The following PIGN variants were observed in gnomAD, a reference collection of about 807,000 sequenced individuals.
The protein encoded by PIGN is GPI ethanolamine phosphate transferase 1.
In PIGN, 117 loss-of-function variants were observed where a neutral mutation model predicts 125.4. That is an observed-to-expected ratio of 0.93 (90% CI 0.80 to 1.09). The LOEUF (loss-of-function observed/expected upper bound fraction) is 1.09. Among genes scored for constraint, PIGN ranks in the 50% least tolerant of loss-of-function variants. PIGN has a pLI of 0.00. For missense variants in PIGN, 1,075 were observed against 1,094.9 expected (o/e 0.98, Z 0.26); for synonymous variants, 392 against 377.8 (o/e 1.04, Z -0.44).
chr18:62,071,575 C>A (rs1315595263), intron 30 of PIGN, among the ~76,000 whole-genome samples: 1 of 151,836 alleles, frequency 6.6e-6, no homozygotes, highest in Non-Finnish European at 1.5e-5. Context: ...TAGTCATGCA[C>A]CACATAATGA....
At position 62,126,881 on chromosome 18, in the gene PIGN, A is replaced by G. The variant is rs1029212949; in HGVS notation, c.1172+11362T>C. Among the ~76,000 whole-genome samples, 6 of 152,198 alleles carry G rather than the reference A, an allele frequency of 3.9e-5. No individual in the cohort carries two copies. In the East Asian group the frequency reaches 1.2e-3, roughly 29 times the overall value. On this transcript the variant is annotated intron_variant, in intron 14 of 30. Coordinates refer to ENST00000640252, the MANE Select transcript of PIGN (RefSeq NM_176787.5). ...CCTATGAGCAGCAGTTTAGTAAATCATAATATATGTCCAACATCCGTTCAA... is the reference window on the plus strand; with the variant it reads ...CCTATGAGCAGCAGTTTAGTAAATCGTAATATATGTCCAACATCCGTTCAA...
At chr18:62,098,453 TAA>T (rs2034300612) in intron 22 of PIGN, among the ~76,000 whole-genome samples, 1 of 152,152 alleles carries the variant, frequency 6.6e-6, no homozygotes, top group African/African-American at 2.4e-5. Context: ...AAGCAAATAA[TAA>T]AAGTCAGTTC....
chr18:62,151,651 T>C (rs969358794), intron 7 of PIGN, among the ~76,000 whole-genome samples: 6 of 152,222 alleles, frequency 3.9e-5, no homozygotes, highest in Non-Finnish European at 7.3e-5. Flanking sequence ...GCTGCTCACT[T>C]GGGACTCTTC....
At chr18:62,160,901 C>T (rs2036927886) in intron 4 of PIGN, among the ~76,000 whole-genome samples, 2 of 152,174 alleles carry the variant, frequency 1.3e-5, no homozygotes, top group Non-Finnish European at 2.9e-5. Flanking sequence ...CTAAGCCTAT[C>T]CATTTCAATT....
Position 62,106,850 on chromosome 18 carries a change from G to T in PIGN, c.1706C>A (p.Thr569Asn). 1 of 1,609,500 alleles carries T rather than the reference G, an allele frequency of 6.2e-7. No homozygotes were observed. The highest frequency in any genetic ancestry group is 8.5e-7 in the Non-Finnish European group (1 of 1,177,836). Residue 569 changes from threonine (T) to asparagine (N), a missense_variant, in exon 19 of 31, where the codon ACC becomes AAC. Physicochemically the swap from Thr to Asn is moderately conservative, Grantham distance 65. This residue lies in a region of PIGN where 915 missense variants were observed against 908.7 expected (regional missense o/e 1.01). Transcript: ENST00000640252. ...AGCTGCAAAGGCAGTAAGTCCAGCG[G>T]TAAGCATATAGCGGTAGAAAAAACT... ...VLSFFYRYML[T>N]AGLTAFAAWP...
downstream of PIGN, among the ~76,000 whole-genome samples, chr18:62,037,929 T>C (rs569941475): frequency 1.2e-4 from 19 of 152,242 alleles, no homozygotes; most frequent in South Asian, 3.3e-3. Flanking sequence ...AGGCTCTCCA[T>C]TGGGATTATT....
At chr18:62,119,952 GA>G (rs2035236449) in intron 14 of PIGN, among the ~76,000 whole-genome samples, 2 of 152,034 alleles carry the variant, frequency 1.3e-5, no homozygotes, top group Admixed American at 6.6e-5. Flanking sequence ...TATAGAAATA[GA>G]ATGCGAGTCA....
intron 23 of PIGN, among the ~76,000 whole-genome samples, chr18:62,026,937 T>C (rs977705446): frequency 2.0e-5 from 3 of 152,180 alleles, no homozygotes; most frequent in African/African-American, 7.2e-5. Flanking sequence ...GCGCGGTGGC[T>C]CACGCCTGTA....
chr18:62,044,650 C>T lies in PIGN; in HGVS notation c.*1206G>A, dbSNP rs538149358. The stretch of plus-strand genomic sequence containing the variant: ...TTTTAAATTGTATTTATTCACTCCC[C>T]ACCAATTTGAAAAATCTTGTAAATT... On this transcript the variant is annotated 3_prime_UTR_variant, in exon 31 of 31. Transcript: ENST00000640252. 2.6e-5 allele frequency: 4 copies of T among 152,282 alleles called. No homozygotes were observed. Among genetic ancestry groups the T allele is most frequent in the African/African-American group, 9.6e-5 (4 of 41,546 alleles). The allele number at this position is 152,282 out of a possible 1,614,324, so 9.4% of individuals were successfully genotyped here.
At chr18:62,120,353 A>C (rs996687374) in intron 14 of PIGN, among the ~76,000 whole-genome samples, 1 of 152,246 alleles carries the variant, frequency 6.6e-6, no homozygotes, top group Non-Finnish European at 1.5e-5. Flanking sequence ...AGATGTTTGA[A>C]AAGTTAAGGT....
chr18:62,183,484 T>G (rs1371162133), intron 1 of PIGN, among the ~76,000 whole-genome samples: 2 of 152,248 alleles, frequency 1.3e-5, no homozygotes, highest in African/African-American at 4.8e-5. Context: ...CAGAATGTAC[T>G]TGCAACCTAT....
At chr18:62,173,048 T>G (rs1176113579) in intron 1 of PIGN, among the ~76,000 whole-genome samples, 3 of 152,176 alleles carry the variant, frequency 2.0e-5, no homozygotes, top group African/African-American at 4.8e-5. Flanking sequence ...CTGTAAATAG[T>G]TGACTTTACA....
downstream of PIGN, among the ~76,000 whole-genome samples, chr18:62,040,272 T>G (rs983839217): frequency 6.9e-6 from 1 of 144,174 alleles, no homozygotes; most frequent in African/African-American, 2.6e-5. Context: ...TAGGGCCCCA[T>G]CCAGGGTGCC....
intron 30 of PIGN, among the ~76,000 whole-genome samples, chr18:62,054,898 C>A (rs1225438584): frequency 2.6e-5 from 4 of 152,138 alleles, no homozygotes; most frequent in Admixed American, 2.6e-4. Flanking sequence ...AAGACATGAA[C>A]AGACGTTTCA....
chr18:62,037,932 G>A (rs2030281602), downstream of PIGN, among the ~76,000 whole-genome samples: 1 of 152,050 alleles, frequency 6.6e-6, no homozygotes, highest in African/African-American at 2.4e-5. Flanking sequence ...CTCTCCATTG[G>A]GATTATTTGT....
At chr18:62,138,662 G>A (rs1228669364) in intron 13 of PIGN, among the ~76,000 whole-genome samples, 1 of 152,132 alleles carries the variant, frequency 6.6e-6, no homozygotes, top group Non-Finnish European at 1.5e-5. Flanking sequence ...AACATACATG[G>A]AATGACAAGA....
chr18:62,176,371 C>A (rs2037525748), intron 1 of PIGN, among the ~76,000 whole-genome samples: 1 of 151,746 alleles, frequency 6.6e-6, no homozygotes, highest in African/African-American at 2.4e-5. Flanking sequence ...TTGATAAATG[C>A]TAAAATCAAT....
At chr18:62,171,605 G>A (rs56099122) in intron 1 of PIGN, among the ~76,000 whole-genome samples, 26,030 of 152,030 alleles carry the variant, frequency 0.17, 2,812 homozygotes, top group Middle Eastern at 0.29. Flanking sequence ...GTAGGCTGAG[G>A]AAGTTTCCTT....
At chr18:62,168,561 C>T (rs899627484) in intron 1 of PIGN, among the ~76,000 whole-genome samples, 3 of 152,130 alleles carry the variant, frequency 2.0e-5, no homozygotes, top group Non-Finnish European at 4.4e-5. Flanking sequence ...CTAAATACTT[C>T]AGTGTTTACT....
Sources: allele counts gnomAD v4.1 joint callset (sites outside exome capture counted in the v4.1 genomes callset), GRCh38; gene constraint gnomAD v4.1.1; regional missense constraint gnomAD v4.1.1; transcripts MANE v1.5; gene names NCBI Gene and HGNC (gene_info 2026-07-23, HGNC 2026-07-21).